Variants in CDH22 observed in about 807,000 individuals in gnomAD.
The protein encoded by CDH22 is cadherin 22.
Under a neutral mutation model 58.4 loss-of-function variants are expected in CDH22, and 30 were observed. The observed-to-expected ratio is 0.51, with a 90% CI of 0.38 to 0.70. The LOEUF is 0.70. CDH22 is among the 30% of genes least tolerant of loss of function. CDH22 has a pLI of 0.00. For missense variants in CDH22, 1,014 were observed against 1,233.9 expected, an observed-to-expected ratio of 0.82 and a Z score of 2.67; for synonymous variants, 513 against 558.2, an observed-to-expected ratio of 0.92 and a Z score of 1.14.
chr20:46,261,937 A>T (rs6032735), intron 1 of CDH22, among the ~76,000 whole-genome samples: 2 of 152,120 alleles, frequency 1.3e-5, no homozygotes, highest in Non-Finnish European at 2.9e-5. Context: ...TTACTGCCTT[A>T]GCGTGCCTGC....
rs542376558 is a variant in CDH22, at chr20:46,282,869, G to C, written c.-400+25386C>G. On this transcript the variant is annotated intron_variant, in intron 1 of 11. Transcript: ENST00000537909. Reference sequence around the variant, plus strand: ...TCACCATTTGTCAACTTGCTCCCTCGTCACAAGCCTCCTTGCTGCTCAGAG... The same window carrying C: ...TCACCATTTGTCAACTTGCTCCCTCCTCACAAGCCTCCTTGCTGCTCAGAG... Among the ~76,000 whole-genome samples, 43 of 152,228 alleles carry C rather than the reference G, an allele frequency of 2.8e-4. 2 individuals carry two copies. The South Asian group carries it at 7.9e-3, about 28-fold the overall frequency.
chr20:46,246,656 G>T (rs937747657), intron 2 of CDH22, among the ~76,000 whole-genome samples: 1 of 152,118 alleles, frequency 6.6e-6, no homozygotes, highest in Non-Finnish European at 1.5e-5. Flanking sequence ...CGACAACCGC[G>T]GGGCCCAGCG....
At chr20:46,226,660 C>A (rs1369297322) in intron 4 of CDH22, among the ~76,000 whole-genome samples, 1 of 152,170 alleles carries the variant, frequency 6.6e-6, no homozygotes, top group East Asian at 1.9e-4. Context: ...ATCTGCCTAT[C>A]CTCCTGCCCC....
intron 3 of CDH22, among the ~76,000 whole-genome samples, chr20:46,229,300 C>A (rs1172907606): frequency 2.9e-5 from 4 of 137,048 alleles, no homozygotes; most frequent in East Asian, 2.3e-4. Flanking sequence ...CCCCCCCCCC[C>A]AATTTTACAG....
In CDH22 at chr20:46,227,395, C is replaced by G. The variant is rs530906376; in HGVS notation, c.670+113G>C. The G allele has an allele frequency of 2.8e-5, 30 of 1,071,098 alleles. 1 individual carries two copies. In the South Asian group the frequency reaches 4.1e-4, roughly 15 times the overall value. 66.3% of individuals were successfully genotyped at this position (1,071,098 alleles called of 1,614,324 possible). A position where few individuals can be genotyped will look rare whatever the true frequency, so the allele number is the denominator to read the frequency against. On this transcript the variant is annotated intron_variant, in intron 4 of 11. Transcript: ENST00000537909. ...GTGCACAAGGTGCCCCCTGTGCTGT[C>G]CTCAGAGCTTCTGGGACAGAAGGCT...
chr20:46,291,184 G>A (rs1181910187), intron 1 of CDH22, among the ~76,000 whole-genome samples: 1 of 152,200 alleles, frequency 6.6e-6, no homozygotes, highest in Admixed American at 6.5e-5. Flanking sequence ...GGCTGAGGTA[G>A]GGGAATCACT....
intron 1 of CDH22, among the ~76,000 whole-genome samples, chr20:46,275,172 T>A (rs1310350081): frequency 6.6e-6 from 1 of 152,238 alleles, no homozygotes; most frequent in African/African-American, 2.4e-5. Flanking sequence ...AGGCTCTACA[T>A]GATCCGCCCC....
chr20:46,240,953 C>T lies in CDH22; in HGVS notation c.550+10G>A. 1 of 1,606,242 alleles carries T rather than the reference C, an allele frequency of 6.2e-7. No individual in the cohort carries two copies. On this transcript the variant is annotated intron_variant, in intron 3 of 11. Transcript: ENST00000537909. Reference sequence around the variant, plus strand: ...GATCCCATCCCCCACCCCCAGGGCCCACAGCCCACCTGTAGGTGAGAGCTC... The same window carrying T: ...GATCCCATCCCCCACCCCCAGGGCCTACAGCCCACCTGTAGGTGAGAGCTC...
chr20:46,207,586 T>C (rs1425591534), intron 7 of CDH22, among the ~76,000 whole-genome samples: 4 of 152,174 alleles, frequency 2.6e-5, no homozygotes, highest in Non-Finnish European at 1.5e-5. Flanking sequence ...AGGATGGCAT[T>C]GGCAGCGAGT....
At chr20:46,208,707 C>T (rs992665853) in intron 7 of CDH22, among the ~76,000 whole-genome samples, 2 of 152,212 alleles carry the variant, frequency 1.3e-5, no homozygotes, top group African/African-American at 4.8e-5. Flanking sequence ...GATTCTCCTG[C>T]CTCAGCCTCC....
chr20:46,294,693 C>A (rs890783481), intron 1 of CDH22, among the ~76,000 whole-genome samples: 1 of 152,176 alleles, frequency 6.6e-6, no homozygotes, highest in African/African-American at 2.4e-5. Flanking sequence ...TCCCCCCAAC[C>A]TCTGCTGGGG....
At chr20:46,260,221 C>G (rs2086426546) in intron 1 of CDH22, among the ~76,000 whole-genome samples, 1 of 152,134 alleles carries the variant, frequency 6.6e-6, no homozygotes, top group Non-Finnish European at 1.5e-5. Flanking sequence ...TAGGTGATGG[C>G]TGGTACAATA....
At chr20:46,181,644 C>T (rs1461053398) in intron 10 of CDH22, among the ~76,000 whole-genome samples, 1 of 137,780 alleles carries the variant, frequency 7.3e-6, no homozygotes, top group Admixed American at 7.4e-5. Context: ...TTCCTTCTTC[C>T]TCCCTCCCTC....
rs2040064179 is a variant in CDH22 at position 46,176,573 on chromosome 20, G to A, written c.1915+1373C>T. Among the ~76,000 whole-genome samples, 3 of 152,376 alleles carry A rather than the reference G, an allele frequency of 2.0e-5. No individual in the cohort carries two copies. In the South Asian group the frequency reaches 6.2e-4, roughly 32 times the overall value. ...TGACAGATGGACAGACATGTACGAGGTACTGTGCTGGGCACTGGACTCTTC... is the reference window on the plus strand; with the variant it reads ...TGACAGATGGACAGACATGTACGAGATACTGTGCTGGGCACTGGACTCTTC... On this transcript the variant is annotated intron_variant, in intron 11 of 11. Coordinates refer to ENST00000537909, the MANE Select transcript of CDH22 (RefSeq NM_021248.3).
intron 1 of CDH22, among the ~76,000 whole-genome samples, chr20:46,256,679 G>A (rs2086408178): frequency 6.6e-6 from 1 of 152,192 alleles, no homozygotes; most frequent in African/African-American, 2.4e-5. Flanking sequence ...TTGAGCAGAA[G>A]AGTGACATGA....
intron 7 of CDH22, among the ~76,000 whole-genome samples, chr20:46,205,266 C>T (rs887303467): frequency 6.6e-6 from 1 of 151,922 alleles, no homozygotes; most frequent in Admixed American, 6.6e-5. Context: ...GACCATTTCT[C>T]GAGGGCCTGC....
chr20:46,248,313 G>A (rs573593804), intron 2 of CDH22, among the ~76,000 whole-genome samples: 1 of 152,190 alleles, frequency 6.6e-6, no homozygotes, highest in Non-Finnish European at 1.5e-5. Context: ...GGTGGCTGGC[G>A]AGGCTTTTGC....
chr20:46,192,843 G>A (rs1245020210), intron 8 of CDH22, among the ~76,000 whole-genome samples: 1 of 152,132 alleles, frequency 6.6e-6, no homozygotes, highest in Non-Finnish European at 1.5e-5. Context: ...ACGAGCAGAT[G>A]GGGGTGCTCC....
intron 11 of CDH22, among the ~76,000 whole-genome samples, chr20:46,175,501 C>G (rs1047755981): frequency 5.3e-5 from 8 of 152,168 alleles, no homozygotes; most frequent in African/African-American, 1.9e-4. Context: ...ACCCTGACCT[C>G]TCTTTCACCC....
Sources: gnomAD v4.1 joint callset for allele counts (sites outside exome capture counted in the v4.1 genomes callset) on GRCh38, gnomAD v4.1.1 for gene constraint, MANE v1.5 for transcripts, NCBI Gene and HGNC (gene_info 2026-07-23, HGNC 2026-07-21) for gene names.